Variants in NRG4 observed in about 807,000 individuals in gnomAD.
The protein encoded by NRG4 is neuregulin 4.
In NRG4, 10 loss-of-function variants were observed where a neutral mutation model predicts 15.0. The observed-to-expected ratio is 0.67, with a 90% CI of 0.41 to 1.13. NRG4 has a LOEUF of 1.13. Ranked by LOEUF, NRG4 falls within the 50% of genes most tolerant of loss-of-function variation. The probability of loss-of-function intolerance (pLI) is 0.00; values close to 1 mark genes in which losing one functional copy is unlikely to be tolerated. For missense variants in NRG4, 139 were observed against 140.2 expected, an observed-to-expected ratio of 0.99 and a Z score of 0.04; for synonymous variants, 41 against 50.1, an observed-to-expected ratio of 0.82 and a Z score of 0.77.
At chr15:76,018,490 T>G (rs145316915) in intron 5 of NRG4, among the ~76,000 whole-genome samples, 1 of 152,184 alleles carries the variant, frequency 6.6e-6, no homozygotes, top group Non-Finnish European at 1.5e-5. Flanking sequence ...TTTGATGTTG[T>G]GACCTTCGGA....
At chr15:75,995,325 A>G (rs147586155) in intron 3 of NRG4, among the ~76,000 whole-genome samples, 39 of 152,302 alleles carry the variant, frequency 2.6e-4, no homozygotes, top group African/African-American at 9.1e-4. Flanking sequence ...CAATCATGGC[A>G]GAAGGTGAGG....
At chr15:75,970,268 C>T (rs369833684) in intron 3 of NRG4, among the ~76,000 whole-genome samples, 11 of 152,186 alleles carry the variant, frequency 7.2e-5, no homozygotes, top group African/African-American at 2.4e-4. Context: ...ACAACACGTC[C>T]AATGAAGAAG....
At chr15:75,990,238 T>C (rs2033957315) in intron 3 of NRG4, among the ~76,000 whole-genome samples, 1 of 152,160 alleles carries the variant, frequency 6.6e-6, no homozygotes, top group African/African-American at 2.4e-5. Context: ...TGGAACTCTT[T>C]CTCTTACACA....
chr15:76,016,616 G>C (rs1464105853), upstream of NRG4, among the ~76,000 whole-genome samples: 2 of 152,150 alleles, frequency 1.3e-5, no homozygotes, highest in Non-Finnish European at 2.9e-5. Flanking sequence ...CTCAAGAGCA[G>C]GTTGTTCAGT....
intron 5 of NRG4, among the ~76,000 whole-genome samples, chr15:76,018,636 T>C (rs1444744523): frequency 1.3e-5 from 2 of 152,218 alleles, no homozygotes; most frequent in African/African-American, 2.4e-5. Context: ...AGACCCTGTT[T>C]GTCTGGGTAT....
intron 4 of NRG4, among the ~76,000 whole-genome samples, chr15:76,043,493 A>C (rs1440609562): frequency 6.6e-6 from 1 of 152,222 alleles, no homozygotes; most frequent in Non-Finnish European, 1.5e-5. Context: ...TAGCATTTCT[A>C]TATGCCAAAA....
intron 5 of NRG4, among the ~76,000 whole-genome samples, chr15:75,953,704 A>G (rs2032046556): frequency 6.6e-6 from 1 of 152,038 alleles, no homozygotes; most frequent in Admixed American, 6.6e-5. Flanking sequence ...TTTGATTATG[A>G]TGTGTCTTGG....
intron 4 of NRG4, among the ~76,000 whole-genome samples, chr15:76,044,588 C>A (rs1026576432): frequency 2.0e-5 from 3 of 149,892 alleles, no homozygotes; most frequent in Non-Finnish European, 4.4e-5. Flanking sequence ...GTAATCCCAG[C>A]ACTTTGGGAG....
chr15:76,009,344 A>ATTCCTTGTTGC, intron 2 of NRG4, 51 bp from the exon 3 acceptor site: 1 of 822,662 alleles, frequency 1.2e-6, no homozygotes, highest in Non-Finnish European at 1.9e-6. Flanking sequence ...AAGTTTTCCT[A>ATTCCTTGTTGC]ATGCAACAAG....
At chr15:76,047,817 T>C (rs1312239257) in intron 4 of NRG4, among the ~76,000 whole-genome samples, 1 of 150,992 alleles carries the variant, frequency 6.6e-6, no homozygotes, top group East Asian at 1.9e-4. Flanking sequence ...CTTTATATGC[T>C]AAATATGAAA....
At chr15:75,972,990 T>C (rs1228848040) in intron 3 of NRG4, among the ~76,000 whole-genome samples, 1 of 152,224 alleles carries the variant, frequency 6.6e-6, no homozygotes. Context: ...ATATTGATTC[T>C]TCCTATCCAT....
At chr15:75,976,153 C>T (rs539883891) in intron 3 of NRG4, among the ~76,000 whole-genome samples, 3 of 152,260 alleles carry the variant, frequency 2.0e-5, no homozygotes, top group African/African-American at 7.2e-5. Flanking sequence ...GTATGCTTTA[C>T]GAAATTCTCG....
chr15:76,023,462 G>A (rs2035221081), intron 5 of NRG4, among the ~76,000 whole-genome samples: 1 of 152,178 alleles, frequency 6.6e-6, no homozygotes, highest in South Asian at 2.1e-4. Flanking sequence ...AATGCCCACA[G>A]TCCTTACTAC....
intron 3 of NRG4, among the ~76,000 whole-genome samples, chr15:75,966,144 C>T (rs1404937809): frequency 1.3e-5 from 2 of 152,146 alleles, no homozygotes; most frequent in Admixed American, 6.5e-5. Context: ...ACAGAAGCTA[C>T]GTTTAGTACA....
intron 3 of NRG4, among the ~76,000 whole-genome samples, chr15:76,008,877 G>C (rs183602299): frequency 6.6e-6 from 1 of 151,948 alleles, no homozygotes; most frequent in Non-Finnish European, 1.5e-5. Context: ...TAGCTGTTTT[G>C]CCAGTAATAT....
At chr15:75,957,478 T>A (rs929522230) in intron 4 of NRG4, among the ~76,000 whole-genome samples, 1 of 152,258 alleles carries the variant, frequency 6.6e-6, no homozygotes, top group African/African-American at 2.4e-5. Context: ...AGCTGTTGGT[T>A]TAATTGTTGC....
At chr15:76,017,697 C>A (rs976680744) in intron 5 of NRG4, among the ~76,000 whole-genome samples, 15 of 152,214 alleles carry the variant, frequency 9.9e-5, no homozygotes, top group Non-Finnish European at 1.9e-4. Flanking sequence ...GCAGAGAGAT[C>A]TGCTGCTAAT....
At chr15:76,031,854 CAAAT>C (rs970773727) in intron 5 of NRG4, among the ~76,000 whole-genome samples, 72 of 151,894 alleles carry the variant, frequency 4.7e-4, no homozygotes, top group Non-Finnish European at 6.5e-4. Context: ...GACTCTGTCT[CAAAT>C]AAATAAATAA....
chr15:75,948,986 G>C (rs7161882), intron 5 of NRG4, among the ~76,000 whole-genome samples: 2 of 152,196 alleles, frequency 1.3e-5, no homozygotes, highest in African/African-American at 4.8e-5. Flanking sequence ...AGGAGCTCAA[G>C]GTTGCAGTGA....
Sources: allele counts gnomAD v4.1 joint callset (sites outside exome capture counted in the v4.1 genomes callset), GRCh38; gene constraint gnomAD v4.1.1; transcripts MANE v1.5; gene names NCBI Gene and HGNC (gene_info 2026-07-23, HGNC 2026-07-21).